HAO2: variants seen among roughly 807,000 people sequenced by gnomAD.
The protein encoded by HAO2 is hydroxyacid oxidase 2, also known as 2-Hydroxyacid oxidase 2.
A neutral mutation model predicts 37.4 loss-of-function variants in HAO2; 42 were observed. The observed-to-expected ratio is 1.12, with a 90% CI of 0.88 to 1.45. The LOEUF is 1.45. Ranked by LOEUF, HAO2 falls within the 40% of genes most tolerant of loss-of-function variation. The probability of loss-of-function intolerance (pLI) is 0.00; values close to 1 mark genes in which losing one functional copy is unlikely to be tolerated. For missense variants in HAO2, 476 were observed against 430.2 expected (o/e 1.11, Z -0.94); for synonymous variants, 180 against 162.8 (o/e 1.11, Z -0.81).
At position 119,393,866 on chromosome 1, in the gene HAO2, C is replaced by T; in HGVS notation, c.*26C>T. 1 of 1,611,918 alleles carries T rather than the reference C, an allele frequency of 6.2e-7. No individual in the cohort carries two copies. The highest frequency in any genetic ancestry group is 1.1e-5 in the South Asian group (1 of 91,020). Reference sequence around the variant, plus strand: ...GAAAAAAGGGCCAATAACCAGACTGCTGAGGTTGCCCACAGGAGGATCACA... The same window carrying T: ...GAAAAAAGGGCCAATAACCAGACTGTTGAGGTTGCCCACAGGAGGATCACA... On this transcript the variant is annotated 3_prime_UTR_variant, in exon 8 of 8. Coordinates refer to ENST00000325945, the MANE Select transcript of HAO2 (RefSeq NM_016527.4).
At chr1:119,393,477 A>G (rs1442024656) in intron 7 of HAO2, among the ~76,000 whole-genome samples, 4 of 152,184 alleles carry the variant, frequency 2.6e-5, no homozygotes, top group Non-Finnish European at 5.9e-5. Context: ...GAGCCTTATC[A>G]GAACCAAGAT....
chr1:119,374,714 G>A (rs1236235013), intron 1 of HAO2, among the ~76,000 whole-genome samples: 1 of 152,188 alleles, frequency 6.6e-6, no homozygotes, highest in Non-Finnish European at 1.5e-5. Context: ...AATATAAGCT[G>A]TGATAACCCT....
chr1:119,369,979 A>T (rs1242650197), intron 1 of HAO2: 2 of 152,176 alleles, frequency 1.3e-5, no homozygotes, highest in Non-Finnish European at 2.9e-5. Flanking sequence ...ACTTAGTGAG[A>T]TAACACATAA....
intron 5 of HAO2, among the ~76,000 whole-genome samples, chr1:119,390,097 T>C (rs916742938): frequency 2.6e-4 from 40 of 152,170 alleles, no homozygotes; most frequent in Non-Finnish European, 1.5e-5. Context: ...CAGTTGGCTG[T>C]AAGTATTTGG....
At position 119,394,111 on chromosome 1, in the gene HAO2, C is replaced by T; in HGVS notation, c.*271C>T. The T allele has an allele frequency of 8.8e-7, 1 of 1,141,418 alleles. No individual in the cohort carries two copies. The highest frequency in any genetic ancestry group is 1.1e-6 in the Non-Finnish European group (1 of 884,146). 70.7% of individuals were successfully genotyped at this position (1,141,418 alleles called of 1,614,324 possible). A position where few individuals can be genotyped will look rare whatever the true frequency, so the allele number is the denominator to read the frequency against. ...TCTGAAGTAAAAGATCTCAAAAGGA[C>T]AGATCATTAATGACTGGAACCACTA... On this transcript the variant is annotated 3_prime_UTR_variant, in exon 8 of 8. Transcript: ENST00000325945.
chr1:119,386,011 C>T, intron 4 of HAO2: 2 of 488,580 alleles, frequency 4.1e-6, no homozygotes, highest in Non-Finnish European at 5.3e-6. Context: ...ATATACTAAA[C>T]TCTGAATTTT....
intron 2 of HAO2, 98 bp from the exon 3 acceptor site, chr1:119,382,817 T>C (rs1447859648): frequency 4.3e-6 from 5 of 1,150,144 alleles, no homozygotes; most frequent in Non-Finnish European, 6.3e-6. Context: ...CTGTCTGGTT[T>C]AGACTTGTAT....
intron 1 of HAO2, among the ~76,000 whole-genome samples, chr1:119,369,434 G>A (rs1283840572): frequency 2.0e-5 from 3 of 152,184 alleles, no homozygotes; most frequent in Non-Finnish European, 2.9e-5. Flanking sequence ...GTGTTAAGTT[G>A]AATCTACAGA....
intron 5 of HAO2, among the ~76,000 whole-genome samples, chr1:119,390,502 G>A (rs1455389823): frequency 6.6e-6 from 1 of 152,184 alleles, no homozygotes; most frequent in East Asian, 1.9e-4. Context: ...ACCCGCCTCA[G>A]CCTCCCAAAG....
At position 119,384,994 on chromosome 1, in the gene HAO2, G is replaced by A. The variant is rs587680125; in HGVS notation, c.502G>A (p.Asp168Asn). 1.2e-5 allele frequency: 20 copies of A among 1,613,882 alleles called. No homozygotes were observed. The East Asian group carries it at 3.3e-4, about 27-fold the overall frequency. ...DTPVCGNRRH[D>N]IRNQLRRNLT... ...ACCTGTATGTGGCAACAGGCGACAT[G>A]ACATTCGAAACCAGTTGAGGAGGAA... is the stretch of plus-strand genomic sequence containing the variant. Residue 168 changes from aspartate (D) to asparagine (N), a missense_variant, in exon 4 of 8, where the codon GAC (aspartate) becomes AAC (asparagine). Transcript: ENST00000325945.
chr1:119,375,292 T>A, intron 1 of HAO2, among the ~76,000 whole-genome samples: 1 of 152,264 alleles, frequency 6.6e-6, no homozygotes, highest in African/African-American at 2.4e-5. Context: ...AGAAAGTATA[T>A]ACAAATATAT....
chr1:119,391,245 G>A (rs1650864701), intron 5 of HAO2, among the ~76,000 whole-genome samples: 1 of 152,036 alleles, frequency 6.6e-6, no homozygotes, highest in Admixed American at 6.6e-5. Flanking sequence ...TTCTTCTCAG[G>A]CCATCCCTCA....
At chr1:119,380,175 A>G (rs1253413826) in intron 1 of HAO2, among the ~76,000 whole-genome samples, 2 of 152,150 alleles carry the variant, frequency 1.3e-5, no homozygotes, top group African/African-American at 2.4e-5. Flanking sequence ...AACTGAAAGC[A>G]ACTAGTGTCT....
chr1:119,379,335 G>A (rs770854871), intron 1 of HAO2, among the ~76,000 whole-genome samples: 1 of 152,158 alleles, frequency 6.6e-6, no homozygotes, highest in Non-Finnish European at 1.5e-5. Flanking sequence ...TTTATACACA[G>A]GGAGGCACTC....
chr1:119,372,141 C>T (rs193208283), intron 1 of HAO2, among the ~76,000 whole-genome samples: 1 of 152,202 alleles, frequency 6.6e-6, no homozygotes, highest in Non-Finnish European at 1.5e-5. Context: ...AGCAGAAGAT[C>T]TGGCATATTT....
chr1:119,389,712 T>C (rs1194604664), intron 5 of HAO2, among the ~76,000 whole-genome samples: 2 of 152,006 alleles, frequency 1.3e-5, no homozygotes, highest in African/African-American at 4.8e-5. Context: ...TGTATAGATT[T>C]TGAAGGTTTT....
At chr1:119,370,106 G>A (rs1648860034) in intron 1 of HAO2, 1 of 152,250 alleles carries the variant, frequency 6.6e-6, no homozygotes, top group South Asian at 2.1e-4. Context: ...GAGGATGGAG[G>A]ATCGCTGTAG....
intron 4 of HAO2, chr1:119,385,888 C>T: frequency 5.1e-6 from 5 of 984,164 alleles, no homozygotes; most frequent in Non-Finnish European, 6.0e-6. Flanking sequence ...ACATGGTGAG[C>T]CAAGAGTAAA....
chr1:119,372,942 T>G (rs1649153287), intron 1 of HAO2, among the ~76,000 whole-genome samples: 2 of 152,230 alleles, frequency 1.3e-5, no homozygotes, highest in African/African-American at 4.8e-5. Flanking sequence ...TATGAGTACT[T>G]GAAGGACCTC....
Sources: gnomAD v4.1 joint callset for allele counts (sites outside exome capture counted in the v4.1 genomes callset) on GRCh38, gnomAD v4.1.1 for gene constraint, MANE v1.5 for transcripts, NCBI Gene and HGNC (gene_info 2026-07-23, HGNC 2026-07-21) for gene names.